Variants in WDFY4 observed in about 807,000 individuals in gnomAD.
The protein encoded by WDFY4 is WDFY family member 4, also known as WD repeat- and FYVE domain-containing protein 4.
A neutral mutation model predicts 351.9 loss-of-function variants in WDFY4; 169 were observed. The observed-to-expected ratio is 0.48, with a 90% CI of 0.42 to 0.55. WDFY4 has a LOEUF of 0.55. WDFY4 is among the 20% of genes least tolerant of loss of function. The pLI is 0.00. For missense variants in WDFY4, 3,803 were observed against 3,935.6 expected, an observed-to-expected ratio of 0.97 and a Z score of 0.90; for synonymous variants, 1,622 against 1,574.6, an observed-to-expected ratio of 1.03 and a Z score of -0.71.
intron 48 of WDFY4, among the ~76,000 whole-genome samples, chr10:48,942,454 C>A (rs1375579469): frequency 6.6e-6 from 1 of 152,192 alleles, no homozygotes; most frequent in African/African-American, 2.4e-5. Context: ...GGTACACACA[C>A]CCCATCTGTG....
chr10:48,826,610 G>C (rs1469374796), intron 35 of WDFY4, 61 bp from the exon 36 acceptor site: 1 of 1,289,534 alleles, frequency 7.8e-7, no homozygotes, highest in Non-Finnish European at 1.1e-6. Context: ...AACTGGATCT[G>C]TATCTAAAAT....
chr10:48,945,247 G>A (rs1352491506), intron 49 of WDFY4, among the ~76,000 whole-genome samples: 10 of 152,202 alleles, frequency 6.6e-5, no homozygotes, highest in African/African-American at 2.2e-4. Context: ...ATGGTGGCAC[G>A]CACCTGTAGT....
At chr10:48,953,988 A>G (rs7393775) in intron 51 of WDFY4, among the ~76,000 whole-genome samples, 143,449 of 152,298 alleles carry the variant, frequency 0.94, 68,197 homozygotes, top group East Asian at 1. Flanking sequence ...CCATCATACC[A>G]TAATTATAGA....
At chr10:48,810,508 G>T in intron 28 of WDFY4, 22 bp from the exon 29 acceptor site, 1 of 1,545,564 alleles carries the variant, frequency 6.5e-7, no homozygotes, top group South Asian at 1.2e-5. Flanking sequence ...AGAGAACATT[G>T]GTTGCATTTA....
intron 48 of WDFY4, among the ~76,000 whole-genome samples, chr10:48,942,632 G>A (rs977712919): frequency 3.9e-5 from 6 of 152,202 alleles, no homozygotes; most frequent in African/African-American, 1.2e-4. Flanking sequence ...GGGACAATGA[G>A]AAAGTAGGTC....
At chr10:48,945,784 C>G (rs1841012191) in intron 49 of WDFY4, among the ~76,000 whole-genome samples, 1 of 152,232 alleles carries the variant, frequency 6.6e-6, no homozygotes, top group South Asian at 2.1e-4. Flanking sequence ...AGGCCATGTT[C>G]TGATTTGGGT....
intron 47 of WDFY4, among the ~76,000 whole-genome samples, chr10:48,907,206 G>C (rs572968254): frequency 6.6e-6 from 1 of 152,290 alleles, no homozygotes; most frequent in South Asian, 2.1e-4. Flanking sequence ...TTCATACTGA[G>C]CCCAGATTTC....
chr10:48,686,825 A>G (rs1205441162), intron 1 of WDFY4, among the ~76,000 whole-genome samples: 1 of 152,022 alleles, frequency 6.6e-6, no homozygotes, highest in Admixed American at 6.6e-5. Flanking sequence ...CGCTAGAACT[A>G]TTTTTGTACA....
At chr10:48,745,715 G>C (rs927755854) in intron 12 of WDFY4, 4 of 564,616 alleles carry the variant, frequency 7.1e-6, no homozygotes, top group African/African-American at 3.8e-5. Flanking sequence ...CCAGCCTCTT[G>C]AGCCAGGCGC....
At chr10:48,845,500 G>A (rs979390134) in intron 39 of WDFY4, among the ~76,000 whole-genome samples, 1 of 152,150 alleles carries the variant, frequency 6.6e-6, no homozygotes, top group African/African-American at 2.4e-5. Context: ...GTCTGGTTTG[G>A]AGGAGCTTGA....
At chr10:48,975,692 T>A (rs1317894) in intron 58 of WDFY4, among the ~76,000 whole-genome samples, 1 of 151,976 alleles carries the variant, frequency 6.6e-6, no homozygotes, top group African/African-American at 2.4e-5. Flanking sequence ...CAATGTTAGA[T>A]GAGTAGATGG....
Position 48,964,200 on chromosome 10 carries a change from A to C in WDFY4, c.8436+146A>C. The C allele has an allele frequency of 3.4e-6, 3 of 891,272 alleles. No individual in the cohort carries two copies. In the South Asian group the frequency reaches 5.1e-5, roughly 15 times the overall value. The allele number at this position is 891,272 out of a possible 1,614,324, so 55.2% of individuals were successfully genotyped here. A position where few individuals can be genotyped will look rare whatever the true frequency, so the allele number is the denominator to read the frequency against. On this transcript the variant is annotated intron_variant, in intron 54 of 61. Coordinates refer to ENST00000325239, the MANE Select transcript of WDFY4 (RefSeq NM_001394531.1). ...TTCCTGTGCTTTCAATATCAGGCTT[A>C]ACCCTCAGTTACCACCTGATGTTGA...
chr10:48,823,104 A>T, intron 35 of WDFY4: 1 of 1,287,878 alleles, frequency 7.8e-7, no homozygotes, highest in Non-Finnish European at 1.0e-6. Context: ...AGGTGTATGT[A>T]TGTGCATGCA....
chr10:48,770,194 G>T (rs951139264), intron 13 of WDFY4, among the ~76,000 whole-genome samples: 1 of 152,152 alleles, frequency 6.6e-6, no homozygotes, highest in Non-Finnish European at 1.5e-5. Flanking sequence ...CTCCATTACG[G>T]GGTATTGAGC....
intron 25 of WDFY4, chr10:48,804,865 A>G: frequency 1.2e-6 from 1 of 837,322 alleles, no homozygotes; most frequent in East Asian, 1.2e-4. Flanking sequence ...GGGCAGGAAG[A>G]TCACACAACC....
At chr10:48,946,690 G>A (rs1415767204) in intron 50 of WDFY4, among the ~76,000 whole-genome samples, 170 bp from the exon 51 acceptor site, 2 of 152,184 alleles carry the variant, frequency 1.3e-5, no homozygotes, top group African/African-American at 2.4e-5. Flanking sequence ...CCACATTCAC[G>A]TGCCGTCTGT....
At chr10:48,917,500 A>T (rs1838658481) in intron 47 of WDFY4, among the ~76,000 whole-genome samples, 1 of 152,240 alleles carries the variant, frequency 6.6e-6, no homozygotes. Flanking sequence ...GCTGCCGGAG[A>T]ACAATGACGT....
chr10:48,804,597 A>T, intron 25 of WDFY4: 30 of 217,514 alleles, frequency 1.4e-4, no homozygotes, highest in Non-Finnish European at 2.2e-4. Context: ...GTTCAAAGTG[A>T]GGAATCTGCC....
chr10:48,716,689 AC>A (rs1190413907), intron 2 of WDFY4, among the ~76,000 whole-genome samples: 4 of 152,330 alleles, frequency 2.6e-5, no homozygotes, highest in African/African-American at 9.6e-5. Flanking sequence ...TGTTCAGCTC[AC>A]AGTGGCCCAA....
Sources: allele counts gnomAD v4.1 joint callset (sites outside exome capture counted in the v4.1 genomes callset), GRCh38; gene constraint gnomAD v4.1.1; transcripts MANE v1.5; gene names NCBI Gene and HGNC (gene_info 2026-07-23, HGNC 2026-07-21).